Variants in CALN1 observed in about 807,000 individuals in gnomAD.
CALN1 encodes the protein calcium-binding protein 8.
In CALN1, 17 loss-of-function variants were observed where a neutral mutation model predicts 30.6. That is an observed-to-expected ratio of 0.56 (90% CI 0.38 to 0.83). The LOEUF is 0.83. Among genes scored for constraint, CALN1 ranks in the 40% least tolerant of loss-of-function variants. The pLI is 0.00. For synonymous variants in CALN1, 156 were observed against 131.4 expected (o/e 1.19, Z -1.28); for missense variants, 291 against 354.9 (o/e 0.82, Z 1.45).
intron 2 of CALN1, among the ~76,000 whole-genome samples, chr7:72,401,145 T>C (rs1485659029): frequency 1.3e-5 from 2 of 152,186 alleles, no homozygotes; most frequent in Non-Finnish European, 2.9e-5. Context: ...CATTCTCTTC[T>C]ACTCCTTTCT....
chr7:71,998,707 C>T (rs1157068354), intron 5 of CALN1, among the ~76,000 whole-genome samples: 1 of 151,878 alleles, frequency 6.6e-6, no homozygotes, highest in Non-Finnish European at 1.5e-5. Flanking sequence ...GTAGCGTACA[C>T]CAACATGCCC....
intron 2 of CALN1, among the ~76,000 whole-genome samples, chr7:72,378,172 C>T (rs918437737): frequency 6.6e-6 from 1 of 152,064 alleles, no homozygotes; most frequent in South Asian, 2.1e-4. Context: ...AAAAGTCAAG[C>T]CTTTTGAGCT....
chr7:72,123,967 C>T (rs1371616825), intron 3 of CALN1, among the ~76,000 whole-genome samples: 1 of 152,164 alleles, frequency 6.6e-6, no homozygotes, highest in Non-Finnish European at 1.5e-5. Flanking sequence ...ATGACCTCAT[C>T]CCAGCCCTCT....
intron 5 of CALN1, among the ~76,000 whole-genome samples, chr7:71,846,600 A>G (rs1790251679): frequency 6.6e-6 from 1 of 151,688 alleles, no homozygotes; most frequent in Non-Finnish European, 1.5e-5. Flanking sequence ...CCCCATTTAC[A>G]GTGCTATTCT....
At chr7:72,219,311 A>G (rs1225111679) in intron 3 of CALN1, among the ~76,000 whole-genome samples, 2 of 152,118 alleles carry the variant, frequency 1.3e-5, no homozygotes, top group Non-Finnish European at 2.9e-5. Context: ...CTGTAACCTT[A>G]AAATCCTGGG....
chr7:71,922,753 A>G (rs111219763), intron 5 of CALN1, among the ~76,000 whole-genome samples: 23,377 of 126,190 alleles, frequency 0.19, 2,321 homozygotes, highest in Non-Finnish European at 0.25. Flanking sequence ...ATATAAATAT[A>G]TAACATACCG....
At chr7:71,790,382 A>AG in intron 6 of CALN1, among the ~76,000 whole-genome samples, 1 of 97,576 alleles carries the variant, frequency 1.0e-5, no homozygotes, top group Admixed American at 1.2e-4. Flanking sequence ...GAAAGAAAGA[A>AG]AGAAAGAAAG....
At chr7:72,065,514 C>T (rs1803959395) in intron 4 of CALN1, among the ~76,000 whole-genome samples, 2 of 152,128 alleles carry the variant, frequency 1.3e-5, no homozygotes, top group South Asian at 2.1e-4. Flanking sequence ...ACCATATCTT[C>T]ACCTATTCTT....
intron 2 of CALN1, among the ~76,000 whole-genome samples, chr7:72,335,714 C>T (rs1801977486): frequency 6.6e-6 from 1 of 152,364 alleles, no homozygotes; most frequent in Non-Finnish European, 1.5e-5. Flanking sequence ...AGGCGCCTTC[C>T]TCACACAAGC....
intron 2 of CALN1, among the ~76,000 whole-genome samples, chr7:72,377,985 C>T (rs1804668851): frequency 6.6e-6 from 1 of 152,012 alleles, no homozygotes; most frequent in Non-Finnish European, 1.5e-5. Context: ...CCCCATTTCC[C>T]CCAAAGCATT....
chr7:72,472,486 C>T, the CALN1 span, among the ~76,000 whole-genome samples: 4 of 152,122 alleles, frequency 2.6e-5, no homozygotes, highest in African/African-American at 7.2e-5. Flanking sequence ...AGTTCTGCAA[C>T]GAAAGGTGTG....
At chr7:71,914,923 A>G (rs1018116620) in intron 5 of CALN1, among the ~76,000 whole-genome samples, 1 of 152,226 alleles carries the variant, frequency 6.6e-6, no homozygotes, top group Non-Finnish European at 1.5e-5. Flanking sequence ...TCCAGTATAT[A>G]TAAGGAACTT....
intron 5 of CALN1, among the ~76,000 whole-genome samples, chr7:71,974,308 C>T (rs939328119): frequency 6.7e-6 from 1 of 149,550 alleles, no homozygotes; most frequent in African/African-American, 2.5e-5. Flanking sequence ...ATCCCAGCTA[C>T]TCAGGAGATT....
chr7:71,794,512 G>A lies in CALN1; in HGVS notation c.659-6610C>T, dbSNP rs142069472. 2.6e-5 allele frequency among the ~76,000 whole-genome samples: 4 copies of A among 152,236 alleles called. No homozygotes were observed. The East Asian group carries it at 5.8e-4, about 22-fold the overall frequency. On this transcript the variant is annotated intron_variant, in intron 6 of 6. Coordinates refer to ENST00000395275, the MANE Select transcript of CALN1 (RefSeq NM_031468.4). The stretch of plus-strand genomic sequence containing the variant: ...CTCCTAATTGCCACTTAGAAGCCCC[G>A]GACAAATGAAGGAACTTCTGCGAGC...
At chr7:72,386,438 G>A (rs973359553) in intron 2 of CALN1, among the ~76,000 whole-genome samples, 1 of 152,170 alleles carries the variant, frequency 6.6e-6, no homozygotes, top group Admixed American at 6.5e-5. Flanking sequence ...TAGTTGATAA[G>A]GTTGTCTCCT....
At chr7:72,329,441 C>T (rs530148843) in intron 2 of CALN1, among the ~76,000 whole-genome samples, 2 of 152,164 alleles carry the variant, frequency 1.3e-5, no homozygotes, top group African/African-American at 2.4e-5. Context: ...GTATCAAACC[C>T]AAACTCCACA....
chr7:71,910,196 C>A (rs1365279562), intron 5 of CALN1, among the ~76,000 whole-genome samples: 1 of 152,170 alleles, frequency 6.6e-6, no homozygotes, highest in South Asian at 2.1e-4. Context: ...CCCAGGAAGA[C>A]AGAGATTCTA....
the CALN1 span, among the ~76,000 whole-genome samples, chr7:72,463,384 C>T: frequency 2.6e-3 from 399 of 152,304 alleles, 1 homozygote; most frequent in African/African-American, 9.2e-3. Context: ...CTCAAGTGAT[C>T]TGCCCGCCTC....
intron 3 of CALN1, among the ~76,000 whole-genome samples, chr7:72,121,912 T>A (rs1343519632): frequency 6.8e-6 from 1 of 147,630 alleles, no homozygotes. Context: ...TATATATAAA[T>A]ATATATTATA....
Sources: gnomAD v4.1 joint callset for allele counts (sites outside exome capture counted in the v4.1 genomes callset) on GRCh38, gnomAD v4.1.1 for gene constraint, MANE v1.5 for transcripts, NCBI Gene and HGNC (gene_info 2026-07-23, HGNC 2026-07-21) for gene names.